The following CNTNAP4 variants were observed in gnomAD, a reference collection of about 807,000 sequenced individuals.
CNTNAP4 encodes contactin-associated protein-like 4.
In CNTNAP4, 98 loss-of-function variants were observed where a neutral mutation model predicts 148.4. That is an observed-to-expected ratio of 0.66 (90% CI 0.56 to 0.78). The LOEUF (loss-of-function observed/expected upper bound fraction) is 0.78. CNTNAP4 is among the 30% of genes least tolerant of loss of function. The pLI is 0.00. For synonymous variants in CNTNAP4, 730 were observed against 565.1 expected, an observed-to-expected ratio of 1.29 and a Z score of -4.14; for missense variants, 1,935 against 1,565.6, an observed-to-expected ratio of 1.24 and a Z score of -3.98.
At chr16:76,541,814 G>A (rs2084469413) in intron 21 of CNTNAP4, among the ~76,000 whole-genome samples, 1 of 151,974 alleles carries the variant, frequency 6.6e-6, no homozygotes, top group Admixed American at 6.6e-5. Context: ...AACAAACAGG[G>A]GAAATACCAT....
chr16:76,533,035 C>T (rs1258776762), intron 17 of CNTNAP4, among the ~76,000 whole-genome samples: 1 of 152,040 alleles, frequency 6.6e-6, no homozygotes, highest in Non-Finnish European at 1.5e-5. Context: ...ACAGCTGCAC[C>T]CCTAAGTTTA....
At chr16:76,543,036 A>G (rs959095773) in intron 21 of CNTNAP4, among the ~76,000 whole-genome samples, 24 of 152,236 alleles carry the variant, frequency 1.6e-4, no homozygotes, top group African/African-American at 5.8e-4. Context: ...TTGTAAATGA[A>G]TAAGGGAGAT....
rs142899416 is a variant in CNTNAP4 at position 76,403,974 on chromosome 16, A to T, written c.391-23478A>T. Among the ~76,000 whole-genome samples the T allele has an allele frequency of 1.6e-3, 237 of 152,318 alleles. 1 individual carries two copies. The highest frequency in any genetic ancestry group is 5.5e-3 in the African/African-American group (228 of 41,586). On this transcript the variant is annotated intron_variant, in intron 3 of 23. Transcript: ENST00000611870. ...AGAAAACCAAATACCATATGTTCTT[A>T]TAAGTGGAAGCTAAATGATGAGAAC...
chr16:76,348,479 C>T (rs1965101038), intron 2 of CNTNAP4, among the ~76,000 whole-genome samples: 1 of 151,916 alleles, frequency 6.6e-6, no homozygotes, highest in Non-Finnish European at 1.5e-5. Flanking sequence ...AGGTCTGAGA[C>T]CTGGAGAGTC....
rs767203985 is a variant in CNTNAP4 at position 76,449,818 on chromosome 16, T to C, written c.1031T>C (p.Ile344Thr). 5 of 1,608,414 alleles carry C rather than the reference T, an allele frequency of 3.1e-6. No homozygotes were observed. In the South Asian group the frequency reaches 4.5e-5, roughly 14 times the overall value. The stretch of plus-strand genomic sequence containing the variant: ...CTCTATTATAATGGAGTGGATATCA[T>C]TGATTTGGCCAAGCAGCAAAAACCA... The part of the protein sequence containing the change: ...ENLYYNGVDI[I>T]DLAKQQKPQI... The change falls in exon 7 of 24, where the codon ATT (isoleucine) becomes ACT (threonine). Residue 344 changes from isoleucine to threonine, a missense_variant. Transcript: ENST00000611870.
chr16:76,524,356 A>C (rs1469848724), intron 17 of CNTNAP4, among the ~76,000 whole-genome samples: 2 of 152,202 alleles, frequency 1.3e-5, no homozygotes, highest in African/African-American at 4.8e-5. Context: ...CAAAAAAATG[A>C]GAGATGGCCA....
intron 1 of CNTNAP4, among the ~76,000 whole-genome samples, chr16:76,306,302 G>C (rs1009028894): frequency 1.3e-5 from 2 of 152,110 alleles, no homozygotes; most frequent in Non-Finnish European, 1.5e-5. Context: ...GAAGCAGTTA[G>C]TTGGTTTTGA....
chr16:76,528,359 AG>A (rs544843459), intron 17 of CNTNAP4, among the ~76,000 whole-genome samples: 140 of 152,232 alleles, frequency 9.2e-4, no homozygotes, highest in African/African-American at 3.0e-3. Flanking sequence ...TACGCCTCCC[AG>A]GCTCAGGTGA....
At chr16:76,392,354 C>G (rs1220290835) in intron 3 of CNTNAP4, among the ~76,000 whole-genome samples, 1 of 151,912 alleles carries the variant, frequency 6.6e-6, no homozygotes, top group African/African-American at 2.4e-5. Flanking sequence ...CATAACACAC[C>G]CCAAAGAAAA....
chr16:76,383,700 T>G (rs1386428038), intron 3 of CNTNAP4, among the ~76,000 whole-genome samples: 1 of 152,212 alleles, frequency 6.6e-6, no homozygotes, highest in African/African-American at 2.4e-5. Context: ...CAATTGTGTT[T>G]TTGTTTTATA....
chr16:76,459,055 T>C (rs2080839336), intron 8 of CNTNAP4, among the ~76,000 whole-genome samples: 1 of 152,162 alleles, frequency 6.6e-6, no homozygotes, highest in South Asian at 2.1e-4. Flanking sequence ...CACAGATAGT[T>C]TGAGAAGAAC....
At chr16:76,414,612 C>G (rs1330002823) in intron 3 of CNTNAP4, among the ~76,000 whole-genome samples, 1 of 151,144 alleles carries the variant, frequency 6.6e-6, no homozygotes, top group Non-Finnish European at 1.5e-5. Context: ...TGATTTTGTC[C>G]TTAAATGTTT....
At chr16:76,467,025 T>C (rs1597636623) in intron 9 of CNTNAP4, among the ~76,000 whole-genome samples, 1 of 152,300 alleles carries the variant, frequency 6.6e-6, no homozygotes, top group South Asian at 2.1e-4. Context: ...TTCCCATCTG[T>C]AAGTTATATA....
At chr16:76,469,952 CATGGCATCCCAAGATGG>C (rs1287694656) in intron 10 of CNTNAP4, among the ~76,000 whole-genome samples, 2 of 152,160 alleles carry the variant, frequency 1.3e-5, no homozygotes, top group East Asian at 3.9e-4. Context: ...TACCTACTGA[CATGGCATCCCAAGATGG>C]ATGGCATCCC....
Position 76,406,346 on chromosome 16 carries a change from C to T in CNTNAP4, c.391-21106C>T, listed in dbSNP as rs79808447. 9.9e-4 allele frequency among the ~76,000 whole-genome samples: 151 copies of T among 152,056 alleles called. 1 individual carries two copies. In the East Asian group the frequency reaches 0.02, roughly 20 times the overall value. ...GACTCCTCCACCAACTGGCTGTTCCCGCATCTCTCTCTCTCTCCTTGGACC... is the reference window on the plus strand; with the variant it reads ...GACTCCTCCACCAACTGGCTGTTCCTGCATCTCTCTCTCTCTCCTTGGACC... On this transcript the variant is annotated intron_variant, in intron 3 of 23. Coordinates refer to ENST00000611870, the MANE Select transcript of CNTNAP4 (RefSeq NM_033401.5).
chr16:76,290,868 G>T (rs1221811349), intron 1 of CNTNAP4, among the ~76,000 whole-genome samples: 1 of 152,196 alleles, frequency 6.6e-6, no homozygotes, highest in Non-Finnish European at 1.5e-5. Context: ...CCATCAAAAT[G>T]CCATCTAGGT....
At chr16:76,496,140 A>G (rs1001791502) in intron 14 of CNTNAP4, among the ~76,000 whole-genome samples, 14 of 148,900 alleles carry the variant, frequency 9.4e-5, no homozygotes, top group Non-Finnish European at 1.8e-4. Context: ...ACTTACTTTT[A>G]GTGTTACATG....
intron 1 of CNTNAP4, among the ~76,000 whole-genome samples, chr16:76,288,407 C>G (rs1958975682): frequency 6.6e-6 from 1 of 152,032 alleles, no homozygotes; most frequent in Non-Finnish European, 1.5e-5. Context: ...CCCCTGTGTC[C>G]TCTACTCTTC....
At chr16:76,302,643 A>T (rs1454937851) in intron 1 of CNTNAP4, among the ~76,000 whole-genome samples, 1 of 152,156 alleles carries the variant, frequency 6.6e-6, no homozygotes, top group Non-Finnish European at 1.5e-5. Context: ...TAAGGACCTC[A>T]ATTAATTAAT....
Sources: gnomAD v4.1 joint callset for allele counts (sites outside exome capture counted in the v4.1 genomes callset) on GRCh38, gnomAD v4.1.1 for gene constraint, MANE v1.5 for transcripts, NCBI Gene and HGNC (gene_info 2026-07-23, HGNC 2026-07-21) for gene names.